Variants in MAP3K2 observed in about 807,000 individuals in gnomAD.
MAP3K2 encodes mitogen-activated protein kinase kinase kinase 2.
In MAP3K2, 24 loss-of-function variants were observed where a neutral mutation model predicts 80.3. That is an observed-to-expected ratio of 0.30 (90% confidence interval 0.22 to 0.42). The LOEUF (loss-of-function observed/expected upper bound fraction) is 0.42. Ranked by LOEUF, MAP3K2 falls within the 10% of genes least tolerant of loss-of-function variation. The pLI, the probability that MAP3K2 is intolerant of heterozygous loss-of-function variation, is 1.00. For synonymous variants in MAP3K2, 244 were observed against 253.7 expected (o/e 0.96, Z 0.36); for missense variants, 608 against 750.1 (o/e 0.81, Z 2.21).
chr2:127,338,223 G>C (rs1686409634), intron 3 of MAP3K2, among the ~76,000 whole-genome samples: 1 of 152,186 alleles, frequency 6.6e-6, no homozygotes, highest in African/African-American at 2.4e-5. Flanking sequence ...TGAAATGTCA[G>C]CTTTGGAGAA....
intron 1 of MAP3K2, among the ~76,000 whole-genome samples, chr2:127,375,852 T>G (rs1005551013): frequency 6.6e-6 from 1 of 152,004 alleles, no homozygotes; most frequent in Admixed American, 6.6e-5. Flanking sequence ...GGTTCCTTAG[T>G]AACAGCACAC....
Position 127,325,172 on chromosome 2 carries a change from C to A in MAP3K2, c.677+556G>T, listed in dbSNP as rs140209381. On this transcript the variant is annotated intron_variant, in intron 9 of 16. Coordinates refer to ENST00000682094, the MANE Select transcript of MAP3K2 (RefSeq NM_001371910.2). ...CCTTCAAACACACAATTTTGACAAG[C>A]AGGAATACTCAAACTATTATAATCA... Among the ~76,000 whole-genome samples the A allele has an allele frequency of 2.3e-3, 355 of 152,208 alleles. 1 individual carries two copies. Among genetic ancestry groups the A allele is most frequent in the African/African-American group, 7.8e-3 (322 of 41,522 alleles).
At chr2:127,385,725 G>A (rs530239999) in intron 1 of MAP3K2, among the ~76,000 whole-genome samples, 1 of 151,678 alleles carries the variant, frequency 6.6e-6, no homozygotes, top group African/African-American at 2.4e-5. Context: ...CAATTCTATA[G>A]GGAAAGAGAA....
In MAP3K2 at chr2:127,318,251, T is replaced by C. The variant is rs750916978; in HGVS notation, c.1112A>G (p.Tyr371Cys). The C allele has an allele frequency of 1.3e-4, 205 of 1,611,440 alleles. No individual in the cohort carries two copies. Among genetic ancestry groups the C allele is most frequent in the Non-Finnish European group, 1.6e-4 (183 of 1,178,972 alleles). Residue 371 changes from tyrosine to cysteine, a missense_variant, in exon 13 of 17, where the codon TAC becomes TGC. Physicochemically the swap from Tyr to Cys is radical, Grantham distance 194. Around this residue, in one of 4 missense-constraint regions of MAP3K2, gnomAD observed 467 missense variants for 521.9 expected, o/e 0.89. Coordinates refer to ENST00000682094, the MANE Select transcript of MAP3K2 (RefSeq NM_001371910.2). ...TCCTGTATCAACATCATAACAGAGG[T>C]AGACCCTTCCAAAGGCTCCTTGGCC... ...LLGQGAFGRV[Y>C]LCYDVDTGRE...
At chr2:127,354,847 G>A (rs1350190709) in intron 1 of MAP3K2, among the ~76,000 whole-genome samples, 1 of 151,962 alleles carries the variant, frequency 6.6e-6, no homozygotes, top group African/African-American at 2.4e-5. Context: ...TGTTCAAGCA[G>A]ATAGAGGGAA....
At chr2:127,351,669 C>G (rs1686694287) in intron 1 of MAP3K2, among the ~76,000 whole-genome samples, 1 of 152,092 alleles carries the variant, frequency 6.6e-6, no homozygotes, top group Admixed American at 6.6e-5. Context: ...AGTTTCATAT[C>G]TGATCAACTT....
At chr2:127,335,070 C>T (rs1686338810) in intron 5 of MAP3K2, among the ~76,000 whole-genome samples, 1 of 152,070 alleles carries the variant, frequency 6.6e-6, no homozygotes, top group Admixed American at 6.6e-5. Context: ...GTCTGGCCTA[C>T]TTTATGCATT....
intron 1 of MAP3K2, among the ~76,000 whole-genome samples, chr2:127,386,128 A>G (rs959738292): frequency 2.0e-5 from 3 of 152,242 alleles, no homozygotes; most frequent in African/African-American, 2.4e-5. Context: ...TACTAGGAAA[A>G]TTACAGAGTA....
In MAP3K2 at chr2:127,322,307, A is replaced by T; in HGVS notation, c.839-55T>A. ...CCTTTTATTAATATGTTATACTTTT[A>T]AAGTATTTAAAATTTGTAATGTAGA... On this transcript the variant is annotated intron_variant, in intron 11 of 16. Transcript: ENST00000682094. This position sits in a 1 kb window ranked among gnomAD's most constrained non-coding sequence, Gnocchi z 4.2. 8.8e-7 allele frequency: 1 copy of T among 1,140,936 alleles called. No individual in the cohort carries two copies. The highest frequency in any genetic ancestry group is 1.2e-6 in the Non-Finnish European group (1 of 801,530). The allele number at this position is 1,140,936 out of a possible 1,614,324, so 70.7% of individuals were successfully genotyped here. A position where few individuals can be genotyped will look rare whatever the true frequency, so the allele number is the denominator to read the frequency against.
intron 1 of MAP3K2, among the ~76,000 whole-genome samples, chr2:127,377,401 TA>T (rs1011854581): frequency 2.6e-5 from 4 of 151,722 alleles, no homozygotes; most frequent in Middle Eastern, 3.4e-3. Context: ...TTTTTTTTTT[TA>T]AACTACATTG....
Position 127,335,876 on chromosome 2 carries a change from A to T in MAP3K2, c.258T>A (p.Asn86Lys). The change falls in exon 5 of 17, where the codon AAT becomes AAA. Residue 86 changes from asparagine to lysine, a missense_variant. By Grantham distance (94) the Asn-to-Lys change is moderately conservative (BLOSUM62 0). This residue lies in a region of MAP3K2 where 467 missense variants were observed against 521.9 expected (regional missense o/e 0.89). Coordinates refer to ENST00000682094, the MANE Select transcript of MAP3K2 (RefSeq NM_001371910.2). ...TTAAACTGTACATGTTTACCTCGTT[A>T]TTGGTATAATGTAGATCCATAGACT... ...FGQSMDLHYT[N>K]NELVIPLTTQ... 6.5e-7 allele frequency: 1 copy of T among 1,538,044 alleles called. No individual in the cohort carries two copies. The highest frequency in any genetic ancestry group is 8.9e-7 in the Non-Finnish European group (1 of 1,128,592).
intron 1 of MAP3K2, among the ~76,000 whole-genome samples, chr2:127,375,418 A>ATTTT (rs767717946): frequency 1.4e-5 from 2 of 141,976 alleles, no homozygotes; most frequent in South Asian, 2.2e-4. Flanking sequence ...TTATTTATTT[A>ATTTT]TTTTTTTTTT....
At chr2:127,327,407 T>C (rs1686165837) in intron 7 of MAP3K2, among the ~76,000 whole-genome samples, 1 of 152,162 alleles carries the variant, frequency 6.6e-6, no homozygotes, top group African/African-American at 2.4e-5. Flanking sequence ...TGTCTACACT[T>C]GTCTGTAAAA....
chr2:127,356,045 A>C (rs1249678440), intron 1 of MAP3K2, among the ~76,000 whole-genome samples: 1 of 152,164 alleles, frequency 6.6e-6, no homozygotes, highest in Non-Finnish European at 1.5e-5. Context: ...ATTCAGTCAC[A>C]TCTTCAGGCT....
At chr2:127,381,981 TG>T (rs1687254356) in intron 1 of MAP3K2, among the ~76,000 whole-genome samples, 2 of 152,170 alleles carry the variant, frequency 1.3e-5, no homozygotes, top group Non-Finnish European at 2.9e-5. Flanking sequence ...ACAACTGTCT[TG>T]ATCTCTTAAA....
chr2:127,373,277 ACT>A (rs2104891201), intron 1 of MAP3K2, among the ~76,000 whole-genome samples: 1 of 152,246 alleles, frequency 6.6e-6, no homozygotes, highest in Admixed American at 6.5e-5. Context: ...AGGTTATATA[ACT>A]CTGTAGCAAA....
chr2:127,339,119 T>C lies in MAP3K2; in HGVS notation c.5-69A>G. 1.1e-6 allele frequency: 1 copy of C among 890,518 alleles called. No individual in the cohort carries two copies. Among genetic ancestry groups the C allele is most frequent in the Admixed American group, 2.8e-5 (1 of 35,872 alleles). The allele number at this position is 890,518 out of a possible 1,614,324, so 55.2% of individuals were successfully genotyped here. Reference sequence around the variant, plus strand: ...ACATATATATCAACATGTATAGACATCAAACACAAAATTTAAAATAAAATT... The same window carrying C: ...ACATATATATCAACATGTATAGACACCAAACACAAAATTTAAAATAAAATT... On this transcript the variant is annotated intron_variant, in intron 2 of 16. Coordinates refer to ENST00000682094, the MANE Select transcript of MAP3K2 (RefSeq NM_001371910.2). This position sits in a 1 kb window ranked among gnomAD's most constrained non-coding sequence, Gnocchi z 4.2.
chr2:127,338,798 C>T lies in MAP3K2; in HGVS notation c.123+134G>A, dbSNP rs76960870. ...TAATAGATGAACACACACTCTTACACGAAAATGTGTAACAAACACTAACAA... is the reference window on the plus strand; with the variant it reads ...TAATAGATGAACACACACTCTTACATGAAAATGTGTAACAAACACTAACAA... On this transcript the variant is annotated intron_variant, in intron 3 of 16. Coordinates refer to ENST00000682094, the MANE Select transcript of MAP3K2 (RefSeq NM_001371910.2). 3,572 of 641,322 alleles carry T rather than the reference C, an allele frequency of 5.6e-3. 82 individuals are homozygous for T. The highest frequency in any genetic ancestry group is 0.047 in the East Asian group (1,685 of 35,822). 39.7% of individuals were successfully genotyped at this position (641,322 alleles called of 1,614,324 possible). A position where few individuals can be genotyped will look rare whatever the true frequency, so the allele number is the denominator to read the frequency against.
chr2:127,358,452 A>G (rs1474163498), intron 1 of MAP3K2, among the ~76,000 whole-genome samples: 3 of 152,240 alleles, frequency 2.0e-5, no homozygotes, highest in Admixed American at 2.0e-4. Flanking sequence ...AAAAACTTAG[A>G]TCTACACAAA....
Sources: gnomAD v4.1 joint callset for allele counts (sites outside exome capture counted in the v4.1 genomes callset) on GRCh38, gnomAD v4.1.1 for gene constraint, gnomAD v4.1.1 regional missense constraint, Gnocchi (gnomAD v3.1) non-coding constraint, MANE v1.5 for transcripts, NCBI Gene and HGNC (gene_info 2026-07-23, HGNC 2026-07-21) for gene names.